The following SEC16A variants were observed in gnomAD, a reference collection of about 807,000 sequenced individuals.
SEC16A encodes the protein protein transport protein Sec16A.
A neutral mutation model predicts 221.9 loss-of-function variants in SEC16A; 110 were observed. That is an observed-to-expected ratio of 0.50 (90% confidence interval 0.42 to 0.58). The LOEUF is 0.58. Ranked by LOEUF, SEC16A falls within the 20% of genes least tolerant of loss-of-function variation. The probability of loss-of-function intolerance (pLI) is 0.00; values close to 1 mark genes in which losing one functional copy is unlikely to be tolerated. For missense variants in SEC16A, 3,165 were observed against 3,097.8 expected (o/e 1.02, Z -0.52); for synonymous variants, 1,393 against 1,257.7 (o/e 1.11, Z -2.28).
rs551567130 is a variant in SEC16A at position 136,474,332 on chromosome 9, T to C, written c.3284A>G (p.Asn1095Ser). The change falls in exon 3 of 32, where the codon AAC becomes AGC. Residue 1095 changes from asparagine to serine, a missense_variant. This residue lies in a region of SEC16A where 2,030 missense variants were observed against 1,923.1 expected (regional missense o/e 1.06). Coordinates refer to ENST00000684901, the MANE Select transcript of SEC16A (RefSeq NM_014866.2). ...ESLPAQGQAQ[N>S]SAQSPASLVL... ...CAGACTTGCTGGTGACTGTGCTGAG[T>C]TCTGGGCCTGTCCCTGTGCGGGCAG... The C allele has an allele frequency of 7.6e-5, 123 of 1,612,286 alleles. No homozygotes were observed. Among genetic ancestry groups the C allele is most frequent in the South Asian group, 7.5e-4 (68 of 90,972 alleles).
In SEC16A at chr9:136,467,031, G is replaced by A. The variant is rs1488658181; in HGVS notation, c.3855C>T (p.Arg1285=). The A allele has an allele frequency of 6.2e-7, 1 of 1,613,836 alleles. No homozygotes were observed. Among genetic ancestry groups the A allele is most frequent in the East Asian group, 2.2e-5 (1 of 44,908 alleles). The change falls in exon 6 of 32, where the codon CGC becomes CGT. Residue 1285 remains arginine, a synonymous_variant. Coordinates refer to ENST00000684901, the MANE Select transcript of SEC16A (RefSeq NM_014866.2). ...YHYSARVRDP[R]TYDRRYWCDA... is the part of the protein sequence containing the mutation. ...CACACCAATACCTCCGGTCATAGGT[G>A]CGGGGGTCCCTGACTCTAGCACTGT...
At position 136,476,112 on chromosome 9, in the gene SEC16A, C is replaced by T; in HGVS notation, c.1504G>A (p.Ala502Thr). 5 of 1,613,734 alleles carry T rather than the reference C, an allele frequency of 3.1e-6. No homozygotes were observed. Among genetic ancestry groups the T allele is most frequent in the Non-Finnish European group, 4.2e-6 (5 of 1,179,870 alleles). Residue 502 changes from alanine (A) to threonine (T), a missense_variant, in exon 3 of 32, where the codon GCT (alanine) becomes ACT (threonine). Physicochemically the swap from Ala to Thr is moderately conservative, Grantham distance 58. Around this residue, in one of 3 missense-constraint regions of SEC16A, gnomAD observed 2,030 missense variants for 1,923.1 expected, o/e 1.06. Coordinates refer to ENST00000684901, the MANE Select transcript of SEC16A (RefSeq NM_014866.2). The part of the protein sequence containing the change: ...LPGPAVPRHG[A>T]VCHTGAPDAT... The stretch of plus-strand genomic sequence containing the variant: ...TCAGGGGCTCCGGTGTGGCACACAG[C>T]ACCATGCCTGGGCACAGCTGGCCCA...
intron 23 of SEC16A, among the ~76,000 whole-genome samples, chr9:136,449,134 G>A (rs959610485): frequency 6.6e-6 from 1 of 152,272 alleles, no homozygotes; most frequent in Admixed American, 6.5e-5. Flanking sequence ...AGAAGTGGAA[G>A]GCGGGCTGTC....
chr9:136,477,163 T>C lies in SEC16A; in HGVS notation c.453A>G (p.Glu151=), dbSNP rs770585999. 6.2e-7 allele frequency: 1 copy of C among 1,613,828 alleles called. No homozygotes were observed. The highest frequency in any genetic ancestry group is 8.5e-7 in the Non-Finnish European group (1 of 1,179,880). ...SAEVGPSSEP[E]VQTLPYLPHY... ...GAGGAAGATATGGCAGAGTCTGAAC[T>C]TCAGGCTCTGAACTGGGACCGACCT... Residue 151 remains glutamate (E), a synonymous_variant, in exon 3 of 32, where the codon GAA becomes GAG. Coordinates refer to ENST00000684901, the MANE Select transcript of SEC16A (RefSeq NM_014866.2).
Position 136,452,449 on chromosome 9 carries a change from C to CAA in SEC16A, c.6159+977_6159+978dup, listed in dbSNP as rs752510860. Among the ~76,000 whole-genome samples the CAA allele has an allele frequency of 7.5e-3, 174 of 23,274 alleles. 24 individuals are homozygous for CAA. Among genetic ancestry groups the CAA allele is most frequent in the Non-Finnish European group, 9.0e-3 (115 of 12,788 alleles). The allele number at this position is 23,274 out of a possible 152,430, so 15.3% of individuals were successfully genotyped here. A position where few individuals can be genotyped will look rare whatever the true frequency, so the allele number is the denominator to read the frequency against. On this transcript the variant is annotated intron_variant, in intron 22 of 31. Coordinates refer to ENST00000684901, the MANE Select transcript of SEC16A (RefSeq NM_014866.2). ...TGGGCGACAGAGAGAAACTCCATCT[C>CAA]AAAAAAAAAAAAAAAAAAAAAAAAA... is the stretch of plus-strand genomic sequence containing the variant.
At position 136,477,074 on chromosome 9, in the gene SEC16A, C is replaced by G; in HGVS notation, c.542G>C (p.Gly181Ala). Residue 181 changes from glycine (G) to alanine (A), a missense_variant, in exon 3 of 32, where the codon GGG (glycine) becomes GCG (alanine). This residue lies in a region of SEC16A where 2,030 missense variants were observed against 1,923.1 expected (regional missense o/e 1.06). Transcript: ENST00000684901. ...HGGHPHGNMPGLDRPLSRQNP... is the reference protein window; with the variant it reads ...HGGHPHGNMPALDRPLSRQNP... ...TTGCCTGCTCAGGGGTCGGTCGAGC[C>G]CAGGCATGTTCCCATGAGGGTGGCC... is the stretch of plus-strand genomic sequence containing the variant. The G allele has an allele frequency of 6.2e-7, 1 of 1,613,802 alleles. No homozygotes were observed. Among genetic ancestry groups the G allele is most frequent in the Non-Finnish European group, 8.5e-7 (1 of 1,179,872 alleles).
At chr9:136,454,435 A>G (rs1838318899) in intron 20 of SEC16A, 108 bp from the exon 21 acceptor site, 1 of 1,040,824 alleles carries the variant, frequency 9.6e-7, no homozygotes, top group East Asian at 2.6e-5. Context: ...GTACAGCCCC[A>G]TTTCTTTTAT....
intron 23 of SEC16A, among the ~76,000 whole-genome samples, chr9:136,450,094 C>T (rs1343294638): frequency 6.6e-6 from 1 of 152,034 alleles, no homozygotes; most frequent in Non-Finnish European, 1.5e-5. Context: ...ATCCCAGCTA[C>T]TGGAGAGGCT....
At chr9:136,451,543 A>G in intron 22 of SEC16A, 135 bp from the exon 23 acceptor site, 1 of 1,044,530 alleles carries the variant, frequency 9.6e-7, no homozygotes, top group Non-Finnish European at 1.3e-6. Flanking sequence ...GACCAGAGGG[A>G]GGCAGGAAGG....
chr9:136,477,605 G>A lies in SEC16A; in HGVS notation c.11C>T (p.Pro4Leu), dbSNP rs374538919. 18 of 1,606,914 alleles carry A rather than the reference G, an allele frequency of 1.1e-5. No individual in the cohort carries two copies. The highest frequency in any genetic ancestry group is 7.7e-5 in the South Asian group (7 of 90,672). MQPPPQTVPSGMAG... is the reference protein window; with the variant it reads MQPLPQTVPSGMAG... ...CATGCCAGACGGGACCGTCTGGGGCGGTGGCTGCATGACTGAACCCTTGCA... is the reference window on the plus strand; with the variant it reads ...CATGCCAGACGGGACCGTCTGGGGCAGTGGCTGCATGACTGAACCCTTGCA... Residue 4 changes from proline (P) to leucine (L), a missense_variant, in exon 3 of 32, where the codon CCG (proline) becomes CTG (leucine). This residue lies in a region of SEC16A where 2,030 missense variants were observed against 1,923.1 expected (regional missense o/e 1.06). Transcript: ENST00000684901.
At chr9:136,457,028 C>T (rs764341747) in intron 18 of SEC16A, among the ~76,000 whole-genome samples, 1 of 152,182 alleles carries the variant, frequency 6.6e-6, no homozygotes, top group African/African-American at 2.4e-5. Flanking sequence ...AAAAAATTGG[C>T]CAAGCGTGGT....
intron 20 of SEC16A, 73 bp from the exon 21 acceptor site, chr9:136,454,400 C>T (rs913970678): frequency 1.0e-5 from 14 of 1,338,092 alleles, no homozygotes; most frequent in African/African-American, 1.0e-4. Flanking sequence ...AGCTGACACT[C>T]GACGTGTTTA....
At chr9:136,448,694 C>A (rs1269223835) in intron 23 of SEC16A, 20 of 702,212 alleles carry the variant, frequency 2.8e-5, no homozygotes, top group Admixed American at 8.4e-5. Context: ...TCCAGAGACA[C>A]CAGGAGAATG....
At position 136,460,045 on chromosome 9, in the gene SEC16A, G is replaced by A; in HGVS notation, c.5070C>T (p.Ser1690=). ...GCCACCAGGCAGTGCCACTCACCGT[G>A]GACGCGGCAGGCATCCGTCCGGACA... The part of the protein sequence containing the change: ...QLMSGRMPAA[S]TCCGDEKWGD... The change falls in exon 14 of 32, where the codon TCC becomes TCT. Residue 1690 remains serine (S), a synonymous_variant. Coordinates refer to ENST00000684901, the MANE Select transcript of SEC16A (RefSeq NM_014866.2). 1 of 1,602,146 alleles carries A rather than the reference G, an allele frequency of 6.2e-7. No homozygotes were observed. The highest frequency in any genetic ancestry group is 1.1e-5 in the South Asian group (1 of 88,936).
intron 1 of SEC16A, among the ~76,000 whole-genome samples, chr9:136,482,382 A>G (rs1415168534): frequency 6.6e-6 from 1 of 152,196 alleles, no homozygotes; most frequent in African/African-American, 2.4e-5. Context: ...GCAAAAACTG[A>G]CTTTAAATGG....
At chr9:136,445,599 TG>T in intron 29 of SEC16A, 45 bp downstream of exon 29, 2 of 1,418,516 alleles carry the variant, frequency 1.4e-6, no homozygotes, top group Non-Finnish European at 1.9e-6. Flanking sequence ...AGTGAGCTGC[TG>T]GGGAGGCCTG....
chr9:136,451,352 G>T lies in SEC16A; in HGVS notation c.6216C>A (p.Asp2072Glu), dbSNP rs1204348769. 1.9e-6 allele frequency: 3 copies of T among 1,613,746 alleles called. 1 individual carries two copies. In the South Asian group the frequency reaches 3.3e-5, roughly 18 times the overall value. Residue 2072 changes from aspartate (D) to glutamate (E), a missense_variant, in exon 23 of 32, where the codon GAC becomes GAA. Asp to Glu is a conservative substitution (Grantham distance 45). Transcript: ENST00000684901. The stretch of plus-strand genomic sequence containing the variant: ...ACAGAGGTGGCTGCGTGGGACCCGA[G>T]TCGGCACGATCCCACCCTGGGGGGG... Reference protein sequence around the residue: ...SEAPPGWDRADSGPTQPPLSL... With the variant: ...SEAPPGWDRAESGPTQPPLSL...
rs886897382 is a variant in SEC16A at position 136,476,509 on chromosome 9, T to C, written c.1107A>G (p.Ser369=). ...CAPLEADSGA[S]GALAMFFQGG... The stretch of plus-strand genomic sequence containing the variant: ...CTTGGAAAAACATCGCCAGAGCTCC[T>C]GAAGCTCCTGAGTCTGCTTCTAGCG... The change falls in exon 3 of 32, where the codon TCA becomes TCG. Residue 369 remains serine (S), a synonymous_variant. Transcript: ENST00000684901. The C allele has an allele frequency of 6.3e-7, 1 of 1,591,268 alleles. No individual in the cohort carries two copies. Among genetic ancestry groups the C allele is most frequent in the Non-Finnish European group, 8.6e-7 (1 of 1,160,706 alleles).
In SEC16A at chr9:136,466,141, G is replaced by GA. The variant is rs1840121007; in HGVS notation, c.4129-6dup. ...GTGGCTTCTGTAAATCTGACTCTTA[G>GA]AAAACAAAGCAAACGGGCAAAATCA... On this transcript the variant is annotated splice_polypyrimidine_tract_variant and splice_region_variant and intron_variant, in intron 7 of 31. Transcript: ENST00000684901. The surrounding 1 kb of genome is among the most constrained non-coding windows in gnomAD (Gnocchi z 5.5). 6.3e-7 allele frequency: 1 copy of GA among 1,585,406 alleles called. No individual in the cohort carries two copies. Among genetic ancestry groups the GA allele is most frequent in the Admixed American group, 1.8e-5 (1 of 56,674 alleles).
Sources: allele counts gnomAD v4.1 joint callset (sites outside exome capture counted in the v4.1 genomes callset), GRCh38; gene constraint gnomAD v4.1.1; regional missense constraint gnomAD v4.1.1; non-coding constraint Gnocchi (gnomAD v3.1); transcripts MANE v1.5; gene names NCBI Gene and HGNC (gene_info 2026-07-23, HGNC 2026-07-21).